The following VAT1L variants were observed in gnomAD, a reference collection of about 807,000 sequenced individuals.
VAT1L encodes the protein putative NADPH-dependent quinone oxidoreductase VAT1L.
In VAT1L, 34 loss-of-function variants were observed where a neutral mutation model predicts 44.1. The observed-to-expected ratio is 0.77, with a 90% CI of 0.59 to 1.03. VAT1L has a LOEUF of 1.03. Among genes scored for constraint, VAT1L ranks in the 50% least tolerant of loss-of-function variants. The pLI, the probability that VAT1L is intolerant of heterozygous loss-of-function variation, is 0.00. For synonymous variants in VAT1L, 253 were observed against 202.2 expected (o/e 1.25, Z -2.13); for missense variants, 615 against 538.8 (o/e 1.14, Z -1.40).
chr16:77,955,168 G>A (rs1335479800), intron 7 of VAT1L, among the ~76,000 whole-genome samples: 1 of 152,194 alleles, frequency 6.6e-6, no homozygotes, highest in Non-Finnish European at 1.5e-5. Context: ...CTCTTCAAGA[G>A]CCCATGGAGC....
chr16:77,977,446 A>T, intron 8 of VAT1L, 151 bp from the exon 9 acceptor site: 1 of 692,380 alleles, frequency 1.4e-6, no homozygotes, highest in South Asian at 1.9e-5. Flanking sequence ...GGTGCCCAAC[A>T]TATGACAGCT....
chr16:77,878,465 C>T (rs1011338634), intron 5 of VAT1L, among the ~76,000 whole-genome samples: 1 of 152,056 alleles, frequency 6.6e-6, no homozygotes, highest in Non-Finnish European at 1.5e-5. Flanking sequence ...TCATTCCCCC[C>T]TCCCCTGCCC....
intron 7 of VAT1L, among the ~76,000 whole-genome samples, chr16:77,885,522 G>T (rs893421401): frequency 2.0e-5 from 3 of 152,076 alleles, no homozygotes; most frequent in African/African-American, 7.2e-5. Flanking sequence ...GAAATGAAGA[G>T]ATGTGGCCTG....
chr16:77,796,050 T>G (rs2015928133), intron 1 of VAT1L, among the ~76,000 whole-genome samples: 1 of 152,138 alleles, frequency 6.6e-6, no homozygotes, highest in Admixed American at 6.5e-5. Flanking sequence ...GGTCTCGAAT[T>G]CCTGACCTCA....
At chr16:77,955,714 C>T (rs2018095254) in intron 7 of VAT1L, among the ~76,000 whole-genome samples, 1 of 137,616 alleles carries the variant, frequency 7.3e-6, no homozygotes, top group Non-Finnish European at 1.6e-5. Context: ...GACAGAGGCT[C>T]CATATCCCCC....
intron 8 of VAT1L, among the ~76,000 whole-genome samples, chr16:77,973,259 A>G (rs2018299663): frequency 6.6e-6 from 1 of 152,166 alleles, no homozygotes; most frequent in South Asian, 2.1e-4. Flanking sequence ...TAGTATTCAT[A>G]AAGCATTGTC....
chr16:77,860,582 A>G (rs1378511877), intron 3 of VAT1L, among the ~76,000 whole-genome samples: 2 of 152,236 alleles, frequency 1.3e-5, no homozygotes, highest in Non-Finnish European at 2.9e-5. Flanking sequence ...GTAATTTCCC[A>G]TCCCAGTAGT....
At chr16:77,834,529 G>T (rs144517638) in intron 3 of VAT1L, among the ~76,000 whole-genome samples, 1 of 152,198 alleles carries the variant, frequency 6.6e-6, no homozygotes, top group East Asian at 1.9e-4. Flanking sequence ...TTTCTCCCCA[G>T]TTTTCTGGTA....
chr16:77,934,751 T>A (rs2017772123), intron 7 of VAT1L, among the ~76,000 whole-genome samples: 2 of 152,178 alleles, frequency 1.3e-5, no homozygotes, highest in Admixed American at 1.3e-4. Context: ...AGGGTAGGTT[T>A]ACTGTTCAAT....
At chr16:77,933,969 T>A (rs2017762940) in intron 7 of VAT1L, among the ~76,000 whole-genome samples, 1 of 152,218 alleles carries the variant, frequency 6.6e-6, no homozygotes, top group Admixed American at 6.5e-5. Flanking sequence ...GGCGATGGAA[T>A]GACGTGGTCT....
chr16:77,862,954 C>T (rs148961289), intron 4 of VAT1L, 64 bp downstream of exon 4: 4 of 1,548,176 alleles, frequency 2.6e-6, no homozygotes, highest in Admixed American at 3.9e-5. Context: ...AGAGCAGTAG[C>T]ACTTATTTAA....
rs565331599 is a variant in VAT1L, at chr16:77,933,042, T to C, written c.1078-38808T>C. Among the ~76,000 whole-genome samples, 5 of 152,324 alleles carry C rather than the reference T, an allele frequency of 3.3e-5. No individual in the cohort carries two copies. The East Asian group carries it at 7.7e-4, about 23-fold the overall frequency. ...TCCAAGGAGGCTGGGAAGTGAAGTC[T>C]TCCTGAGTGTTTAGGAAAAAGAGAA... is the stretch of plus-strand genomic sequence containing the variant. On this transcript the variant is annotated intron_variant, in intron 7 of 8. Coordinates refer to ENST00000302536, the MANE Select transcript of VAT1L (RefSeq NM_020927.3).
At chr16:77,845,097 G>A (rs1357375927) in intron 3 of VAT1L, among the ~76,000 whole-genome samples, 2 of 151,602 alleles carry the variant, frequency 1.3e-5, no homozygotes, top group Non-Finnish European at 2.9e-5. Flanking sequence ...TTTCTTCCTA[G>A]TCACAGAGCT....
At chr16:77,823,244 G>A (rs983744316) in intron 2 of VAT1L, among the ~76,000 whole-genome samples, 2 of 151,800 alleles carry the variant, frequency 1.3e-5, no homozygotes, top group African/African-American at 4.8e-5. Flanking sequence ...AATGAACTCT[G>A]TTATCTTTGG....
chr16:77,870,358 C>A (rs1450443908), intron 4 of VAT1L, among the ~76,000 whole-genome samples: 2 of 152,174 alleles, frequency 1.3e-5, no homozygotes, highest in Admixed American at 1.3e-4. Context: ...AAAAGGGATT[C>A]AGAAAGAGAA....
intron 7 of VAT1L, among the ~76,000 whole-genome samples, chr16:77,903,859 C>T (rs923538534): frequency 6.6e-6 from 1 of 151,516 alleles, no homozygotes. Context: ...GCCTCAGCCT[C>T]CCGAGTAGCT....
intron 1 of VAT1L, 23 bp downstream of exon 1, chr16:77,788,938 GCTTT>G: frequency 6.9e-7 from 1 of 1,454,082 alleles, no homozygotes; most frequent in Non-Finnish European, 9.1e-7. Context: ...CGCCTTTCTC[GCTTT>G]CTCTCTTTTT....
chr16:77,934,014 A>T (rs2017763368), intron 7 of VAT1L, among the ~76,000 whole-genome samples: 1 of 152,154 alleles, frequency 6.6e-6, no homozygotes, highest in Admixed American at 6.5e-5. Flanking sequence ...TTCTATTATT[A>T]TTTCTGTGCA....
At chr16:77,842,584 G>A (rs920153654) in intron 3 of VAT1L, among the ~76,000 whole-genome samples, 4 of 152,220 alleles carry the variant, frequency 2.6e-5, no homozygotes, top group African/African-American at 9.6e-5. Context: ...AAGCCCAGGA[G>A]AACATGATAC....
Sources: allele counts gnomAD v4.1 joint callset (sites outside exome capture counted in the v4.1 genomes callset), GRCh38; gene constraint gnomAD v4.1.1; transcripts MANE v1.5; gene names NCBI Gene and HGNC (gene_info 2026-07-23, HGNC 2026-07-21).